LAMB1: variants seen among roughly 807,000 people sequenced by gnomAD.
LAMB1 encodes the protein laminin subunit beta-1.
Under a neutral mutation model 222.3 loss-of-function variants are expected in LAMB1, and 121 were observed. That is an observed-to-expected ratio of 0.54 (90% CI 0.47 to 0.63). The LOEUF (loss-of-function observed/expected upper bound fraction) is 0.63. Ranked by LOEUF, LAMB1 falls within the 30% of genes least tolerant of loss-of-function variation. The pLI is 0.00. For synonymous variants in LAMB1, 794 were observed against 807.2 expected (o/e 0.98, Z 0.28); for missense variants, 2,172 against 2,240.8 (o/e 0.97, Z 0.62).
At chr7:107,949,357 T>C (rs1345834597) in intron 24 of LAMB1, among the ~76,000 whole-genome samples, 1 of 152,206 alleles carries the variant, frequency 6.6e-6, no homozygotes, top group Non-Finnish European at 1.5e-5. Context: ...TCAGAAAGCT[T>C]TGGCAGAGAA....
intron 5 of LAMB1, among the ~76,000 whole-genome samples, chr7:107,989,060 T>C (rs964682255): frequency 6.6e-6 from 1 of 152,162 alleles, no homozygotes; most frequent in Non-Finnish European, 1.5e-5. Flanking sequence ...ATTCCTATCT[T>C]TCTCCCTCAC....
rs768618576 is a variant in LAMB1, at chr7:107,964,507, C to CA, written c.1698+44_1698+45insT. ...ACAAAGCATGTATGTTCCACTACAC[C>CA]CCAAAACACTGCTTTACCGACCTGC... is the stretch of plus-strand genomic sequence containing the variant. On this transcript the variant is annotated intron_variant, in intron 14 of 33. Coordinates refer to ENST00000222399, the MANE Select transcript of LAMB1 (RefSeq NM_002291.3). 4.0e-5 allele frequency: 64 copies of CA among 1,612,108 alleles called. 1 individual carries two copies.
intron 24 of LAMB1, among the ~76,000 whole-genome samples, chr7:107,946,736 A>G (rs903995456): frequency 6.6e-6 from 1 of 152,252 alleles, no homozygotes; most frequent in South Asian, 2.1e-4. Flanking sequence ...CTGAGTCACA[A>G]TGGAAATATT....
intron 13 of LAMB1, among the ~76,000 whole-genome samples, chr7:107,967,759 T>G (rs1026966846): frequency 6.6e-6 from 1 of 151,158 alleles, no homozygotes; most frequent in African/African-American, 2.4e-5. Context: ...GAAAGAGAAA[T>G]AGAAAAAAAA....
intron 23 of LAMB1, 77 bp from the exon 24 acceptor site, chr7:107,951,399 A>T (rs2033247436): frequency 2.3e-6 from 3 of 1,297,944 alleles, no homozygotes; most frequent in Admixed American, 3.7e-5. Flanking sequence ...TCTAGCTGCC[A>T]CTTAGAAGTA....
intron 24 of LAMB1, among the ~76,000 whole-genome samples, chr7:107,949,464 T>G (rs998598111): frequency 6.6e-6 from 1 of 152,232 alleles, no homozygotes; most frequent in Non-Finnish European, 1.5e-5. Context: ...ATTACAAGTT[T>G]GAGGAATTTA....
Position 108,001,717 on chromosome 7 carries a change from T to C in LAMB1, c.54A>G (p.Arg18=). ...TGAACTCGGGTTCCTGAGCGCGCAC[T>C]CGGGCTCTGCACAGGGCTGCGGGAA... is the stretch of plus-strand genomic sequence containing the variant. ...AFSFLALCRA[R]VRAQEPEFSY... The change falls in exon 3 of 34, where the codon CGA becomes CGG. Residue 18 remains arginine, a synonymous_variant. Coordinates refer to ENST00000222399, the MANE Select transcript of LAMB1 (RefSeq NM_002291.3). 1.2e-6 allele frequency: 2 copies of C among 1,612,452 alleles called. No homozygotes were observed. Among genetic ancestry groups the C allele is most frequent in the Non-Finnish European group, 1.7e-6 (2 of 1,179,842 alleles).
Position 107,932,240 on chromosome 7 carries a change from C to G in LAMB1, c.4326G>C (p.Gln1442His), listed in dbSNP as rs368753250. 6.2e-7 allele frequency: 1 copy of G among 1,614,256 alleles called. No homozygotes were observed. Among genetic ancestry groups the G allele is most frequent in the South Asian group, 1.1e-5 (1 of 91,084 alleles). The change falls in exon 28 of 34, where the codon CAG becomes CAC. Residue 1442 changes from glutamine to histidine, a missense_variant. Physicochemically the swap from Gln to His is conservative, Grantham distance 24 (BLOSUM62 0). Coordinates refer to ENST00000222399, the MANE Select transcript of LAMB1 (RefSeq NM_002291.3). ...GLVTVAHNAW[Q>H]KAMDLDQDVL... Reference sequence around the variant, plus strand: ...CATCTTGGTCCAAGTCCATGGCTTTCTGCCAGGCGTTGTGTGCAACAGTAA... The same window carrying G: ...CATCTTGGTCCAAGTCCATGGCTTTGTGCCAGGCGTTGTGTGCAACAGTAA...
intron 25 of LAMB1, among the ~76,000 whole-genome samples, chr7:107,938,724 T>C (rs918189182): frequency 6.6e-5 from 10 of 152,178 alleles, no homozygotes; most frequent in African/African-American, 2.4e-4. Flanking sequence ...CTGCCAAAAC[T>C]GTGATCTCTG....
intron 7 of LAMB1, among the ~76,000 whole-genome samples, chr7:107,981,034 G>A (rs1369481666): frequency 6.6e-6 from 1 of 152,134 alleles, no homozygotes; most frequent in South Asian, 2.1e-4. Flanking sequence ...AATGTCGGCC[G>A]GGCGTGGTAG....
At chr7:107,990,334 C>T (rs983224290) in intron 5 of LAMB1, among the ~76,000 whole-genome samples, 2 of 152,150 alleles carry the variant, frequency 1.3e-5, no homozygotes, top group African/African-American at 4.8e-5. Context: ...GCCACTATGC[C>T]TGGCCAAGAG....
In LAMB1 at chr7:107,953,727, C is replaced by T. The variant is rs1344274871; in HGVS notation, c.2882G>A (p.Gly961Glu). ...AACTTCTGATGGATTGCCAAAGTAT[C>T]CTGAGGCACAGTCGTCACATCTGGA... ...IGSRCDDCAS[G>E]YFGNPSEVGG... Residue 961 changes from glycine to glutamate, a missense_variant, in exon 22 of 34, where the codon GGA (glycine) becomes GAA (glutamate). Physicochemically the swap from Gly to Glu is moderately conservative, Grantham distance 98 (BLOSUM62 -2). Transcript: ENST00000222399. 1 of 1,614,138 alleles carries T rather than the reference C, an allele frequency of 6.2e-7. No homozygotes were observed. The highest frequency in any genetic ancestry group is 1.7e-5 in the Admixed American group (1 of 60,022).
At chr7:107,955,684 G>A in intron 20 of LAMB1, 54 bp from the exon 21 acceptor site, 2 of 1,507,972 alleles carry the variant, frequency 1.3e-6, no homozygotes, top group South Asian at 1.3e-5. Context: ...TAAGAAACCT[G>A]TTCCAAGGAA....
chr7:107,965,161 A>G lies in LAMB1; in HGVS notation c.1563-474T>C, dbSNP rs114642398. ...TACCACCTGCTGAGTCAACCAAGTC[A>G]GAAATTTAGTCCCCGTTCTTCTCCA... On this transcript the variant is annotated intron_variant, in intron 13 of 33. Coordinates refer to ENST00000222399, the MANE Select transcript of LAMB1 (RefSeq NM_002291.3). 1.1e-3 allele frequency among the ~76,000 whole-genome samples: 167 copies of G among 152,346 alleles called. 1 individual carries two copies. The highest frequency in any genetic ancestry group is 3.9e-3 in the African/African-American group (161 of 41,582).
chr7:107,993,917 C>T (rs572201094), intron 5 of LAMB1, among the ~76,000 whole-genome samples: 1 of 152,312 alleles, frequency 6.6e-6, no homozygotes, highest in East Asian at 1.9e-4. Flanking sequence ...GGCTCAGAGG[C>T]ACAGCCCAGC....
rs763341198 is a variant in LAMB1, at chr7:107,926,286, T to C, written c.4961A>G (p.Asn1654Ser). 1.9e-6 allele frequency: 3 copies of C among 1,613,812 alleles called. No individual in the cohort carries two copies. Among genetic ancestry groups the C allele is most frequent in the Non-Finnish European group, 2.5e-6 (3 of 1,179,816 alleles). ...AGCTTTCCGCTTAAGTTCTTCCACA[T>C]TCCTCTCTAACTCGCTGATGCGCTG... ...ASQRISELER[N>S]VEELKRKAAQ... The change falls in exon 32 of 34, where the codon AAT becomes AGT. Residue 1654 changes from asparagine to serine, a missense_variant. Transcript: ENST00000222399.
intron 13 of LAMB1, among the ~76,000 whole-genome samples, chr7:107,972,420 C>G (rs2033767569): frequency 1.3e-5 from 2 of 152,146 alleles, no homozygotes; most frequent in Non-Finnish European, 2.9e-5. Flanking sequence ...GACCAACATT[C>G]TCTTTGACTC....
intron 7 of LAMB1, among the ~76,000 whole-genome samples, chr7:107,981,823 A>G (rs1049925200): frequency 6.6e-6 from 1 of 152,190 alleles, no homozygotes; most frequent in Non-Finnish European, 1.5e-5. Flanking sequence ...TTTGGAAGGG[A>G]AAATTTGAAA....
rs114694574 is a variant in LAMB1 at position 108,001,326 on chromosome 7, G to A, written c.213+232C>T. Reference sequence around the variant, plus strand: ...CTGGGTCAGGGCAGCCAGGGCTGTCGGCAGTCCTGCCTTTCCATACTCACC... The same window carrying A: ...CTGGGTCAGGGCAGCCAGGGCTGTCAGCAGTCCTGCCTTTCCATACTCACC... On this transcript the variant is annotated intron_variant, in intron 3 of 33. Transcript: ENST00000222399. Among the ~76,000 whole-genome samples the A allele has an allele frequency of 2.3e-3, 354 of 152,338 alleles. 2 individuals are homozygous for A. The highest frequency in any genetic ancestry group is 8.1e-3 in the African/African-American group (335 of 41,568).
Sources: gnomAD v4.1 joint callset for allele counts (sites outside exome capture counted in the v4.1 genomes callset) on GRCh38, gnomAD v4.1.1 for gene constraint, MANE v1.5 for transcripts, NCBI Gene and HGNC (gene_info 2026-07-23, HGNC 2026-07-21) for gene names.